KANSL1: variants seen among roughly 807,000 people sequenced by gnomAD.
KANSL1 encodes the protein KAT8 regulatory NSL complex subunit 1.
A neutral mutation model predicts 103.6 loss-of-function variants in KANSL1; 22 were observed. The observed-to-expected ratio is 0.21, with a 90% confidence interval of 0.15 to 0.30. The LOEUF (loss-of-function observed/expected upper bound fraction) is 0.30. Ranked by LOEUF, KANSL1 falls within the 10% of genes least tolerant of loss-of-function variation. The probability of loss-of-function intolerance (pLI) is 1.00; values close to 1 mark genes in which losing one functional copy is unlikely to be tolerated. For synonymous variants in KANSL1, 600 were observed against 527.6 expected (o/e 1.14, Z -1.88); for missense variants, 1,337 against 1,399.8 (o/e 0.96, Z 0.72).
intron 4 of KANSL1, among the ~76,000 whole-genome samples, chr17:46,072,981 CAA>C (rs1568416701): frequency 6.6e-6 from 1 of 152,080 alleles, no homozygotes; most frequent in Non-Finnish European, 1.5e-5. Context: ...ATCCATAGCC[CAA>C]TTTATTATAA....
rs147734615 is a variant in KANSL1 at position 46,199,428 on chromosome 17, AT to A, written c.-90+24242del. ...ATGACTACAAAGCTCAGAAATCAAG[AT>A]TTTTTTTCATTAAATGGAGGCCTTA... is the stretch of plus-strand genomic sequence containing the variant. On this transcript the variant is annotated intron_variant, in intron 1 of 14. Coordinates refer to the KANSL1 transcript ENST00000572904. Among the ~76,000 whole-genome samples, 1,351 of 152,270 alleles carry A rather than the reference AT, an allele frequency of 8.9e-3. 19 individuals carry two copies. Among genetic ancestry groups the A allele is most frequent in the African/African-American group, 0.031 (1,295 of 41,528 alleles).
intron 1 of KANSL1, among the ~76,000 whole-genome samples, chr17:46,183,314 TCA>T (rs1207539087): frequency 6.6e-6 from 1 of 151,986 alleles, no homozygotes; most frequent in East Asian, 2.0e-4. Context: ...CCATGGTAGC[TCA>T]CACTTATAAG....
At chr17:46,112,471 G>A (rs1182384522) in intron 2 of KANSL1, among the ~76,000 whole-genome samples, 4 of 151,290 alleles carry the variant, frequency 2.6e-5, no homozygotes, top group African/African-American at 2.4e-5. Context: ...GATCACCTGA[G>A]GTCAGGAATT....
rs879638576 is a variant in KANSL1, at chr17:46,086,421, TTCC to T, written c.1432-3882_1432-3880del. On this transcript the variant is annotated intron_variant, in intron 3 of 14. Coordinates refer to ENST00000432791, the MANE Select transcript of KANSL1 (RefSeq NM_015443.4). ...AAGTCTGCATCTAACTAATATTTCA[TTCC>T]TCTTTTGTTCAGTTAATTAAATCAT... 1.8e-4 allele frequency among the ~76,000 whole-genome samples: 27 copies of T among 152,360 alleles called. 1 individual carries two copies. Among genetic ancestry groups the T allele is most frequent in the Admixed American group, 1.6e-3 (24 of 15,308 alleles).
chr17:46,084,212 T>C (rs1019611335), intron 3 of KANSL1, among the ~76,000 whole-genome samples: 2 of 147,020 alleles, frequency 1.4e-5, no homozygotes, highest in East Asian at 1.9e-4. Context: ...TGAAACCCCA[T>C]CTTTACTAAA....
chr17:46,190,872 G>A (rs1447721372), intron 1 of KANSL1, among the ~76,000 whole-genome samples: 2 of 152,070 alleles, frequency 1.3e-5, no homozygotes, highest in Non-Finnish European at 2.9e-5. Flanking sequence ...AATTCCCAAG[G>A]GATGAGCATT....
At chr17:46,074,063 A>G (rs1189496712) in intron 4 of KANSL1, among the ~76,000 whole-genome samples, 1 of 152,178 alleles carries the variant, frequency 6.6e-6, no homozygotes, top group Non-Finnish European at 1.5e-5. Flanking sequence ...GACATCCTAG[A>G]AGCAGTGACA....
chr17:46,169,348 G>A (rs2046165647), intron 2 of KANSL1, among the ~76,000 whole-genome samples: 1 of 152,162 alleles, frequency 6.6e-6, no homozygotes, highest in Non-Finnish European at 1.5e-5. Context: ...AATAGAACTA[G>A]GTCTACAAGG....
intron 6 of KANSL1, among the ~76,000 whole-genome samples, chr17:46,056,618 A>G (rs147597155): frequency 9.3e-5 from 13 of 139,708 alleles, no homozygotes; most frequent in African/African-American, 3.0e-4. Context: ...TTGATAGAAC[A>G]TTTACCATCA....
At chr17:46,077,350 G>A (rs959039307) in intron 4 of KANSL1, among the ~76,000 whole-genome samples, 6 of 152,256 alleles carry the variant, frequency 3.9e-5, no homozygotes, top group African/African-American at 1.2e-4. Flanking sequence ...ACTGTGCCCA[G>A]CTTACAATAT....
At chr17:46,065,470 GTAACAA>G (rs1207162359) in intron 6 of KANSL1, among the ~76,000 whole-genome samples, 4 of 152,094 alleles carry the variant, frequency 2.6e-5, no homozygotes, top group Non-Finnish European at 5.9e-5. Context: ...AACAAAAGTG[GTAACAA>G]TAACAGCCAC....
intron 2 of KANSL1, among the ~76,000 whole-genome samples, chr17:46,134,459 ACAAT>A (rs2044020208): frequency 6.6e-6 from 1 of 152,204 alleles, no homozygotes; most frequent in Non-Finnish European, 1.5e-5. Flanking sequence ...TACAAGACTA[ACAAT>A]CAGATAAAGT....
At chr17:46,046,246 T>C (rs2077499899) in intron 7 of KANSL1, 1 of 152,164 alleles carries the variant, frequency 6.6e-6, no homozygotes, top group Non-Finnish European at 1.5e-5. Context: ...CCTTACAAAA[T>C]TTCTGGGCCG....
intron 6 of KANSL1, among the ~76,000 whole-genome samples, chr17:46,063,839 T>C (rs977784456): frequency 2.5e-4 from 38 of 150,670 alleles, no homozygotes; most frequent in Admixed American, 2.0e-3. Context: ...TGTCATGCCA[T>C]AGTGGCTGGT....
At chr17:46,134,389 C>T (rs1400682827) in intron 2 of KANSL1, among the ~76,000 whole-genome samples, 1 of 151,502 alleles carries the variant, frequency 6.6e-6, no homozygotes, top group East Asian at 2.0e-4. Context: ...AAGAACAAAA[C>T]TCCATCTCAA....
intron 2 of KANSL1, among the ~76,000 whole-genome samples, chr17:46,097,845 G>T (rs139283233): frequency 1.4e-5 from 2 of 143,400 alleles, no homozygotes; most frequent in South Asian, 4.2e-4. Context: ...ATCTGACCAC[G>T]ACAGAGTAAG....
intron 2 of KANSL1, among the ~76,000 whole-genome samples, chr17:46,139,074 AAAGG>A (rs1031879625): frequency 6.6e-6 from 1 of 152,242 alleles, no homozygotes; most frequent in African/African-American, 2.4e-5. Flanking sequence ...AATTCATTAA[AAAGG>A]AAGGCAGAAA....
At chr17:46,065,516 C>G (rs1238811217) in intron 6 of KANSL1, among the ~76,000 whole-genome samples, 1 of 152,122 alleles carries the variant, frequency 6.6e-6, no homozygotes, top group Non-Finnish European at 1.5e-5. Context: ...AACCAGACAT[C>G]CCAATAAGCA....
At chr17:46,112,913 G>T (rs1319200234) in intron 2 of KANSL1, among the ~76,000 whole-genome samples, 1 of 152,018 alleles carries the variant, frequency 6.6e-6, no homozygotes, top group African/African-American at 2.4e-5. Context: ...TAGAGACAGG[G>T]TTTCTCCATG....
Sources: allele counts gnomAD v4.1 joint callset (sites outside exome capture counted in the v4.1 genomes callset), GRCh38; gene constraint gnomAD v4.1.1; transcripts MANE v1.5; gene names NCBI Gene and HGNC (gene_info 2026-07-23, HGNC 2026-07-21).